The following CRACD variants were observed in gnomAD, a reference collection of about 807,000 sequenced individuals.
CRACD encodes capping protein-inhibiting regulator of actin dynamics.
In CRACD, 56 loss-of-function variants were observed where a neutral mutation model predicts 106.8. That is an observed-to-expected ratio of 0.52 (90% confidence interval 0.42 to 0.66). CRACD has a LOEUF of 0.66. Ranked by LOEUF, CRACD falls within the 30% of genes least tolerant of loss-of-function variation. The probability of loss-of-function intolerance (pLI) is 0.00; values close to 1 mark genes in which losing one functional copy is unlikely to be tolerated. For missense variants in CRACD, 1,730 were observed against 1,623.2 expected (o/e 1.07, Z -1.13); for synonymous variants, 754 against 670.8 (o/e 1.12, Z -1.92).
chr4:56,314,368 A>T lies in CRACD; in HGVS notation c.866A>T (p.Glu289Val). 1.9e-6 allele frequency: 3 copies of T among 1,547,116 alleles called. No homozygotes were observed. Among genetic ancestry groups the T allele is most frequent in the Non-Finnish European group, 2.6e-6 (3 of 1,146,128 alleles). ...PPLEAERAPR[E>V]EQQRSLEAPG... ...CTAGAGGCGGAAAGGGCGCCGCGGGAAGAGCAGCAGCGGAGCCTGGAAGCG... is the reference window on the plus strand; with the variant it reads ...CTAGAGGCGGAAAGGGCGCCGCGGGTAGAGCAGCAGCGGAGCCTGGAAGCG... Residue 289 changes from glutamate (E) to valine (V), a missense_variant, in exon 8 of 11, where the codon GAA becomes GTA. Transcript: ENST00000682029. The surrounding 1 kb of genome is among the most constrained non-coding windows in gnomAD (Gnocchi z 4.4).
intron 2 of CRACD, among the ~76,000 whole-genome samples, chr4:56,271,398 T>G (rs1742340347): frequency 6.6e-6 from 1 of 152,184 alleles, no homozygotes; most frequent in Non-Finnish European, 1.5e-5. Context: ...TTTGGGGCTC[T>G]TCATAGTAGA....
chr4:56,234,677 A>G (rs1739857055), intron 2 of CRACD, among the ~76,000 whole-genome samples: 1 of 152,202 alleles, frequency 6.6e-6, no homozygotes, highest in South Asian at 2.1e-4. Flanking sequence ...AAGAGCCAGG[A>G]TTTGATAGGG....
At chr4:56,269,944 C>A (rs1400406540) in intron 2 of CRACD, among the ~76,000 whole-genome samples, 2 of 152,154 alleles carry the variant, frequency 1.3e-5, no homozygotes, top group African/African-American at 4.8e-5. Flanking sequence ...TCAAATAATA[C>A]ACAGTAAAAA....
intron 1 of CRACD, among the ~76,000 whole-genome samples, chr4:56,086,879 G>C (rs1157207527): frequency 6.6e-6 from 1 of 152,166 alleles, no homozygotes; most frequent in African/African-American, 2.4e-5. Context: ...GCACATCTGA[G>C]AAAGAAACTG....
At chr4:56,139,164 C>T (rs994483299) in intron 1 of CRACD, among the ~76,000 whole-genome samples, 3 of 152,146 alleles carry the variant, frequency 2.0e-5, no homozygotes, top group Admixed American at 6.5e-5. Context: ...TAAAATCTTT[C>T]TTCTGCTACT....
intron 1 of CRACD, among the ~76,000 whole-genome samples, chr4:56,135,472 G>A (rs1306181029): frequency 6.6e-6 from 1 of 152,178 alleles, no homozygotes; most frequent in African/African-American, 2.4e-5. Flanking sequence ...AGATGTCAAG[G>A]AAATGTCAAA....
chr4:56,117,578 G>A (rs1734337025), intron 1 of CRACD, among the ~76,000 whole-genome samples: 1 of 152,196 alleles, frequency 6.6e-6, no homozygotes, highest in East Asian at 1.9e-4. Context: ...AGTTTTGCAG[G>A]ATGAAAAGAG....
chr4:56,316,785 C>G, intron 8 of CRACD, 96 bp downstream of exon 8: 1 of 1,391,070 alleles, frequency 7.2e-7, no homozygotes, highest in Non-Finnish European at 9.7e-7. Flanking sequence ...GAATAATTTA[C>G]CAACAATACA....
Position 56,300,716 on chromosome 4 carries a change from TCTTGTCTTCAATG to T in CRACD, c.120+2368_120+2380del, listed in dbSNP as rs1744320228. 1.3e-5 allele frequency among the ~76,000 whole-genome samples: 2 copies of T among 152,192 alleles called. 1 individual carries two copies. Among genetic ancestry groups the T allele is most frequent in the Non-Finnish European group, 2.9e-5 (2 of 68,040 alleles). ...GTTTTTAAAAAATCAGATAAAAATC[TCTTGTCTTCAATG>T]ATACCTGCTCTGTCACATCATACCA... On this transcript the variant is annotated intron_variant, in intron 4 of 10. Coordinates refer to ENST00000682029, the MANE Select transcript of CRACD (RefSeq NM_001393381.1).
At chr4:56,235,661 G>C (rs2109546878) in intron 2 of CRACD, among the ~76,000 whole-genome samples, 1 of 152,280 alleles carries the variant, frequency 6.6e-6, no homozygotes, top group South Asian at 2.1e-4. Flanking sequence ...TGTGTTAACT[G>C]CTCCCACATC....
intron 1 of CRACD, among the ~76,000 whole-genome samples, chr4:56,062,436 A>C (rs1221239843): frequency 6.6e-6 from 1 of 152,174 alleles, no homozygotes; most frequent in African/African-American, 2.4e-5. Flanking sequence ...TTGGCCCTAA[A>C]CCTTTTTCCC....
chr4:56,168,218 C>A (rs1247835864), intron 1 of CRACD, among the ~76,000 whole-genome samples: 1 of 152,146 alleles, frequency 6.6e-6, no homozygotes, highest in African/African-American at 2.4e-5. Flanking sequence ...TGCTCTTTAT[C>A]AGGGTGAGGA....
At chr4:56,096,280 A>T (rs1046652423) in intron 1 of CRACD, among the ~76,000 whole-genome samples, 11 of 152,180 alleles carry the variant, frequency 7.2e-5, no homozygotes, top group African/African-American at 2.7e-4. Flanking sequence ...TCAATTGCAA[A>T]GATGTTCAAG....
chr4:56,099,226 G>A (rs984085694), intron 1 of CRACD, among the ~76,000 whole-genome samples: 10 of 152,178 alleles, frequency 6.6e-5, no homozygotes, highest in Admixed American at 3.9e-4. Context: ...CACTGGACTT[G>A]TATTTGTCTA....
intron 2 of CRACD, among the ~76,000 whole-genome samples, chr4:56,237,168 A>G (rs1228341074): frequency 6.6e-6 from 1 of 152,176 alleles, no homozygotes; most frequent in East Asian, 1.9e-4. Flanking sequence ...ATAGGGGGAA[A>G]GGTTGGAAGA....
chr4:56,050,015 G>T (rs1255979410), intron 1 of CRACD: 3 of 151,632 alleles, frequency 2.0e-5, no homozygotes, highest in Non-Finnish European at 4.4e-5. Flanking sequence ...CGGATACGGT[G>T]GGTGGGGTAT....
intron 1 of CRACD, among the ~76,000 whole-genome samples, chr4:56,071,716 G>A (rs1455419174): frequency 1.3e-5 from 2 of 151,930 alleles, no homozygotes; most frequent in African/African-American, 4.8e-5. Flanking sequence ...TCACCATGTT[G>A]GCCAGGCTGG....
rs1412597567 is a variant in CRACD at position 56,279,568 on chromosome 4, GA to G, written c.-17+7079del. Among the ~76,000 whole-genome samples the G allele has an allele frequency of 5.3e-5, 8 of 152,170 alleles. No homozygotes were observed. In the East Asian group the frequency reaches 7.7e-4, roughly 15 times the overall value. ...ATGCTCATCATCACTGGCCATCAGA[GA>G]AATGCAAATCAAAACCACAATGAGA... On this transcript the variant is annotated intron_variant, in intron 3 of 10. Coordinates refer to ENST00000682029, the MANE Select transcript of CRACD (RefSeq NM_001393381.1).
intron 2 of CRACD, among the ~76,000 whole-genome samples, chr4:56,226,850 GTGTCTCTTTCTCTCTCTCTCTCTC>G (rs1373489640): frequency 6.8e-6 from 1 of 147,226 alleles, no homozygotes; most frequent in Non-Finnish European, 1.5e-5. Flanking sequence ...CTCTCTGTGT[GTGTCTCTTTCTCTCTCTCTCTCTC>G]TGTCTCTCTC....
Sources: allele counts gnomAD v4.1 joint callset (sites outside exome capture counted in the v4.1 genomes callset), GRCh38; gene constraint gnomAD v4.1.1; non-coding constraint Gnocchi (gnomAD v3.1); transcripts MANE v1.5; gene names NCBI Gene and HGNC (gene_info 2026-07-23, HGNC 2026-07-21).